The following ACAN variants were observed in gnomAD, a reference collection of about 807,000 sequenced individuals.
ACAN encodes aggrecan core protein.
In ACAN, 47 loss-of-function variants were observed where a neutral mutation model predicts 169.1. The ratio of observed to expected loss-of-function variants is 0.28; its 90% CI spans 0.22 to 0.35. The LOEUF (loss-of-function observed/expected upper bound fraction) is 0.35. ACAN is among the 10% of genes least tolerant of loss of function. ACAN has a pLI of 1.00. For synonymous variants in ACAN, 1,115 were observed against 1,112.2 expected, an observed-to-expected ratio of 1.00 and a Z score of -0.05; for missense variants, 2,716 against 2,759.9, an observed-to-expected ratio of 0.98 and a Z score of 0.36.
In ACAN at chr15:88,870,982, C is replaced by G. The variant is rs952190620; in HGVS notation, c.7061-400C>G. On this transcript the variant is annotated intron_variant, in intron 14 of 18. Transcript: ENST00000560601. This position sits in a 1 kb window ranked among gnomAD's most constrained non-coding sequence, Gnocchi z 6.3. Reference sequence around the variant, plus strand: ...CCACACACTTCCCCACAGCTCCACTCCCTCTCTCCCTGGAGCCCCCCAGAG... The same window carrying G: ...CCACACACTTCCCCACAGCTCCACTGCCTCTCTCCCTGGAGCCCCCCAGAG... 6.6e-6 allele frequency among the ~76,000 whole-genome samples: 1 copy of G among 152,208 alleles called. No individual in the cohort carries two copies. The highest frequency in any genetic ancestry group is 6.5e-5 in the Admixed American group (1 of 15,286).
In ACAN at chr15:88,857,427, A is replaced by G; in HGVS notation, c.4842A>G (p.Leu1614=). 6.2e-7 allele frequency: 1 copy of G among 1,613,862 alleles called. No individual in the cohort carries two copies. Among genetic ancestry groups the G allele is most frequent in the Non-Finnish European group, 8.5e-7 (1 of 1,179,888 alleles). ...LDLGKLPSGT[L]GSGQAPETSG... is the part of the protein sequence containing the mutation. ...TGGGCAAACTGCCTTCTGGAACTCT[A>G]GGAAGTGGGCAAGCTCCAGAAACAA... is the stretch of plus-strand genomic sequence containing the variant. The change falls in exon 12 of 19, where the codon CTA becomes CTG. Residue 1614 remains leucine (L), a synonymous_variant. Transcript: ENST00000560601.
chr15:88,858,804 C>A lies in ACAN; in HGVS notation c.6219C>A (p.Val2073=). ...TPQLFESSGK[V]STAGDISGAT... is the part of the protein sequence containing the mutation. Reference sequence around the variant, plus strand: ...AGCTTTTTGAGTCCAGTGGAAAAGTCTCCACAGCTGGGGACATTAGTGGAG... The same window carrying A: ...AGCTTTTTGAGTCCAGTGGAAAAGTATCCACAGCTGGGGACATTAGTGGAG... The change falls in exon 12 of 19, where the codon GTC becomes GTA. Residue 2073 remains valine, a synonymous_variant. Coordinates refer to ENST00000560601, the MANE Select transcript of ACAN (RefSeq NM_001369268.1). This position sits in a 1 kb window ranked among gnomAD's most constrained non-coding sequence, Gnocchi z 4.0. The A allele has an allele frequency of 6.2e-7, 1 of 1,613,910 alleles. No homozygotes were observed. Among genetic ancestry groups the A allele is most frequent in the Non-Finnish European group, 8.5e-7 (1 of 1,179,884 alleles).
rs1896930715 is a variant in ACAN at position 88,851,592 on chromosome 15, A to G, written c.2027-202A>G. 1 of 570,198 alleles carries G rather than the reference A, an allele frequency of 1.8e-6. No individual in the cohort carries two copies. The highest frequency in any genetic ancestry group is 3.0e-6 in the Non-Finnish European group (1 of 332,014). The allele number at this position is 570,198 out of a possible 1,614,324, so 35.3% of individuals were successfully genotyped here. A position where few individuals can be genotyped will look rare whatever the true frequency, so the allele number is the denominator to read the frequency against. Reference sequence around the variant, plus strand: ...AGGGGAGATGCCCCAGATCACTGGAACTAAAGTGCTGATGGTGCATATGGA... The same window carrying G: ...AGGGGAGATGCCCCAGATCACTGGAGCTAAAGTGCTGATGGTGCATATGGA... On this transcript the variant is annotated intron_variant, in intron 10 of 18. Transcript: ENST00000560601. This position sits in a 1 kb window ranked among gnomAD's most constrained non-coding sequence, Gnocchi z 4.3.
intron 1 of ACAN, among the ~76,000 whole-genome samples, chr15:88,823,403 T>G (rs1471536378): frequency 1.3e-5 from 2 of 151,738 alleles, no homozygotes; most frequent in African/African-American, 2.4e-5. Context: ...CTAGTTTTGG[T>G]TTTTTGGTGG....
chr15:88,838,830 A>G lies in ACAN; in HGVS notation c.238A>G (p.Lys80Glu). 6.2e-7 allele frequency: 1 copy of G among 1,613,970 alleles called. No individual in the cohort carries two copies. Among genetic ancestry groups the G allele is most frequent in the Non-Finnish European group, 8.5e-7 (1 of 1,179,882 alleles). Residue 80 changes from lysine to glutamate, a missense_variant, in exon 3 of 19, where the codon AAG becomes GAG. Physicochemically the swap from Lys to Glu is moderately conservative, Grantham distance 56. Around this residue, in one of 3 missense-constraint regions of ACAN, gnomAD observed 1,283 missense variants for 1,281.5 expected, o/e 1.00. Transcript: ENST00000560601. The surrounding 1 kb of genome is among the most constrained non-coding windows in gnomAD (Gnocchi z 5.1). ...AAGAATCAAGTGGAGCCGTGTGTCC[A>G]AGGAGAAGGAGGTAGTGCTGCTGGT... ...APRIKWSRVS[K>E]EKEVVLLVAT...
intron 11 of ACAN, among the ~76,000 whole-genome samples, chr15:88,853,415 A>G (rs1896975053): frequency 6.6e-6 from 1 of 152,174 alleles, no homozygotes; most frequent in African/African-American, 2.4e-5. Context: ...AGGTGGGAGG[A>G]CCACTTGAGG....
intron 4 of ACAN, among the ~76,000 whole-genome samples, chr15:88,840,490 T>C (rs955245375): frequency 6.6e-6 from 1 of 152,206 alleles, no homozygotes; most frequent in African/African-American, 2.4e-5. Flanking sequence ...TAAACTTTGG[T>C]GTCCTCTGTA....
In ACAN at chr15:88,857,882, G is replaced by C. The variant is rs774316706; in HGVS notation, c.5297G>C (p.Ser1766Thr). The C allele has an allele frequency of 2.5e-6, 4 of 1,613,460 alleles. No homozygotes were observed. The African/African-American group carries it at 4.0e-5, about 16-fold the overall frequency. The change falls in exon 12 of 19, where the codon AGT (serine) becomes ACT (threonine). Residue 1766 changes from serine to threonine, a missense_variant. Physicochemically the swap from Ser to Thr is moderately conservative, Grantham distance 58. Coordinates refer to ENST00000560601, the MANE Select transcript of ACAN (RefSeq NM_001369268.1). ...SGLSSGQPGI[S>T]GEASGVLYGT... ...CTGTCCTCTGGACAACCAGGTATTA[G>C]TGGAGAAGCATCTGGAGTTCTTTAT... is the stretch of plus-strand genomic sequence containing the variant.
At chr15:88,804,047 G>C (rs541191625) in intron 1 of ACAN, among the ~76,000 whole-genome samples, 1 of 152,338 alleles carries the variant, frequency 6.6e-6, no homozygotes, top group African/African-American at 2.4e-5. Context: ...AGGGGCACTT[G>C]TCTCCTAGTC....
rs1895902041 is a variant in ACAN, at chr15:88,814,914, G to T, written c.-8+11105G>T. Among the ~76,000 whole-genome samples the T allele has an allele frequency of 1.3e-5, 2 of 152,002 alleles. No homozygotes were observed. The highest frequency in any genetic ancestry group is 4.1e-4 in the South Asian group (2 of 4,828). ...TCCTCTCCTGGGACTAGGGAGTGGG[G>T]AATCCTAAATGTACCAGAAGAACCT... On this transcript the variant is annotated intron_variant, in intron 1 of 18. Coordinates refer to ENST00000560601, the MANE Select transcript of ACAN (RefSeq NM_001369268.1). This position sits in a 1 kb window ranked among gnomAD's most constrained non-coding sequence, Gnocchi z 4.0.
rs1428258514 is a variant in ACAN at position 88,823,471 on chromosome 15, AG to A, written c.-7-12728del. On this transcript the variant is annotated intron_variant, in intron 1 of 18. Coordinates refer to ENST00000560601, the MANE Select transcript of ACAN (RefSeq NM_001369268.1). ...GGGCAAAGCTGAGTGTCCCTGGATGAGTGAAGCAGGAGGATTAATCATGCCC... is the reference window on the plus strand; with the variant it reads ...GGGCAAAGCTGAGTGTCCCTGGATGATGAAGCAGGAGGATTAATCATGCCC... Among the ~76,000 whole-genome samples, 8 of 151,616 alleles carry A rather than the reference AG, an allele frequency of 5.3e-5. No homozygotes were observed. In the East Asian group the frequency reaches 1.6e-3, roughly 30 times the overall value.
At chr15:88,808,736 C>T (rs539497561) in intron 1 of ACAN, among the ~76,000 whole-genome samples, 1 of 152,282 alleles carries the variant, frequency 6.6e-6, no homozygotes, top group Non-Finnish European at 1.5e-5. Context: ...AATTATCTGG[C>T]CCAAAATGTC....
Position 88,847,240 on chromosome 15 carries a change from C to A in ACAN, c.1430-3C>A, listed in dbSNP as rs894526104. On this transcript the variant is annotated splice_polypyrimidine_tract_variant and splice_region_variant and intron_variant, in intron 7 of 18. Coordinates refer to ENST00000560601, the MANE Select transcript of ACAN (RefSeq NM_001369268.1). Reference sequence around the variant, plus strand: ...ACCTGACCGCTCCCTCCTCCCCACCCAGGGGTCGTCTTCCACTACCGCCCG... The same window carrying A: ...ACCTGACCGCTCCCTCCTCCCCACCAAGGGGTCGTCTTCCACTACCGCCCG... 6.5e-7 allele frequency: 1 copy of A among 1,544,186 alleles called. No homozygotes were observed. The highest frequency in any genetic ancestry group is 8.8e-7 in the Non-Finnish European group (1 of 1,142,400).
rs1897460346 is a variant in ACAN, at chr15:88,874,377, A to G, written c.7631-28A>G. The G allele has an allele frequency of 2.5e-6, 4 of 1,569,996 alleles. No individual in the cohort carries two copies. Among genetic ancestry groups the G allele is most frequent in the Non-Finnish European group, 3.5e-6 (4 of 1,154,294 alleles). On this transcript the variant is annotated intron_variant, in intron 18 of 18. Coordinates refer to ENST00000560601, the MANE Select transcript of ACAN (RefSeq NM_001369268.1). The surrounding 1 kb of genome is among the most constrained non-coding windows in gnomAD (Gnocchi z 7.3). ...CCCCACTTTCTTTCCAGGTCCACTG[A>G]TATCTTTCCATCTCCCTTTCGTCCT...
At chr15:88,828,781 C>G (rs528694964) in intron 1 of ACAN, among the ~76,000 whole-genome samples, 1 of 152,288 alleles carries the variant, frequency 6.6e-6, no homozygotes, top group South Asian at 2.1e-4. Flanking sequence ...TTAATTCTCC[C>G]ACCTGCCCCC....
chr15:88,825,171 C>G (rs1896182268), intron 1 of ACAN, among the ~76,000 whole-genome samples: 1 of 152,144 alleles, frequency 6.6e-6, no homozygotes, highest in Admixed American at 6.5e-5. Context: ...TGGGGCCTCA[C>G]AGGCCCTGGG....
Position 88,873,813 on chromosome 15 carries a change from A to T in ACAN, c.7448-29A>T. 3.7e-6 allele frequency: 6 copies of T among 1,609,680 alleles called. No individual in the cohort carries two copies. Among genetic ancestry groups the T allele is most frequent in the Non-Finnish European group, 5.1e-6 (6 of 1,177,666 alleles). On this transcript the variant is annotated intron_variant, in intron 17 of 18. Coordinates refer to ENST00000560601, the MANE Select transcript of ACAN (RefSeq NM_001369268.1). This position sits in a 1 kb window ranked among gnomAD's most constrained non-coding sequence, Gnocchi z 7.5. ...AGGTCATCCCAGGAGACCCTATGAG[A>T]CCCTTTATAAAGGGTGTTTGCCCCT... is the stretch of plus-strand genomic sequence containing the variant.
intron 6 of ACAN, among the ~76,000 whole-genome samples, chr15:88,844,380 A>ATTC (rs1382426765): frequency 7.9e-6 from 1 of 125,926 alleles, no homozygotes; most frequent in East Asian, 2.3e-4. Flanking sequence ...TATTATTATT[A>ATTC]TTATTATTGT....
rs749633671 is a variant in ACAN, at chr15:88,857,557, A to G, written c.4972A>G (p.Thr1658Ala). 6 of 1,613,828 alleles carry G rather than the reference A, an allele frequency of 3.7e-6. No individual in the cohort carries two copies. Among genetic ancestry groups the G allele is most frequent in the African/African-American group, 1.3e-5 (1 of 74,934 alleles). ...DFSGLPSGFP[T>A]VSLVDSTLVE... ...TAGTGGACTTCCATCTGGATTCCCA[A>G]CTGTTTCCCTAGTGGATTCTACATT... is the stretch of plus-strand genomic sequence containing the variant. Residue 1658 changes from threonine (T) to alanine (A), a missense_variant, in exon 12 of 19, where the codon ACT becomes GCT. This residue lies in a region of ACAN where 1,389 missense variants were observed against 1,363.7 expected (regional missense o/e 1.02). Coordinates refer to ENST00000560601, the MANE Select transcript of ACAN (RefSeq NM_001369268.1).
Sources: gnomAD v4.1 joint callset for allele counts (sites outside exome capture counted in the v4.1 genomes callset) on GRCh38, gnomAD v4.1.1 for gene constraint, gnomAD v4.1.1 regional missense constraint, Gnocchi (gnomAD v3.1) non-coding constraint, MANE v1.5 for transcripts, NCBI Gene and HGNC (gene_info 2026-07-23, HGNC 2026-07-21) for gene names.